Variants in SLC4A1AP observed in about 807,000 individuals in gnomAD.
SLC4A1AP encodes the protein kanadaptin.
In SLC4A1AP, 64 loss-of-function variants were observed where a neutral mutation model predicts 89.7. That is an observed-to-expected ratio of 0.71 (90% CI 0.58 to 0.88). The LOEUF (loss-of-function observed/expected upper bound fraction) is 0.88, where lower values mean the gene tolerates loss of function less well. SLC4A1AP is among the 40% of genes least tolerant of loss of function. SLC4A1AP has a pLI of 0.00. For missense variants in SLC4A1AP, 931 were observed against 965.0 expected (o/e 0.96, Z 0.47); for synonymous variants, 366 against 353.3 (o/e 1.04, Z -0.40).
At position 27,677,386 on chromosome 2, in the gene SLC4A1AP, T is replaced by TATTA. The variant is rs1468210712; in HGVS notation, c.1576+25_1576+28dup. The TATTA allele has an allele frequency of 3.3e-6, 5 of 1,518,126 alleles. No homozygotes were observed. In the Admixed American group the frequency reaches 8.4e-5, roughly 25 times the overall value. 94.0% of individuals were successfully genotyped at this position (1,518,126 alleles called of 1,614,324 possible). A position where few individuals can be genotyped will look rare whatever the true frequency, so the allele number is the denominator to read the frequency against. Reference sequence around the variant, plus strand: ...CAAGGTAAGTTTTTCATCAAATATTTATTAATATACCACATATAGTGCTCT... The same window carrying TATTA: ...CAAGGTAAGTTTTTCATCAAATATTTATTAATTAATATACCACATATAGTGCTCT... On this transcript the variant is annotated intron_variant, in intron 7 of 13. Coordinates refer to ENST00000613058, the Ensembl canonical transcript of SLC4A1AP.
At chr2:27,689,111 TTTTATTTA>T (rs200134185) in intron 12 of SLC4A1AP, among the ~76,000 whole-genome samples, 4 of 152,058 alleles carry the variant, frequency 2.6e-5, no homozygotes, top group East Asian at 1.9e-4. Flanking sequence ...TGTTTTTTTG[TTTTATTTA>T]TTTATTTATT....
At chr2:27,670,939 T>TTTTTTTC in intron 5 of SLC4A1AP, among the ~76,000 whole-genome samples, 1 of 141,490 alleles carries the variant, frequency 7.1e-6, no homozygotes, top group African/African-American at 2.9e-5. Flanking sequence ...TTTTTTTTTT[T>TTTTTTTC]TTGAGATGGA....
exon 1 of SLC4A1AP, chr2:27,664,139 G>A (rs947751273): frequency 3.1e-6 from 5 of 1,614,180 alleles, no homozygotes; most frequent in Non-Finnish European, 4.2e-6. Flanking sequence ...GTGATTTTAG[G>A]AGTCTACAGG....
rs1369153146 is a variant in SLC4A1AP at position 27,685,032 on chromosome 2, C to T, written c.1876-5C>T. On this transcript the variant is annotated splice_region_variant and splice_polypyrimidine_tract_variant and intron_variant, in intron 9 of 13. Coordinates refer to ENST00000613058, the Ensembl canonical transcript of SLC4A1AP. ...TACTTGTTCATGGTTTTGTTTCCCT[C>T]TTAGAAGTTACCCCCCAAGCGTCCA... is the stretch of plus-strand genomic sequence containing the variant. 6 of 1,591,380 alleles carry T rather than the reference C, an allele frequency of 3.8e-6. No individual in the cohort carries two copies. The highest frequency in any genetic ancestry group is 5.1e-6 in the Non-Finnish European group (6 of 1,172,640).
intron 1 of SLC4A1AP, 103 bp downstream of exon 1, chr2:27,664,680 C>T (rs1266252977): frequency 6.7e-6 from 6 of 889,330 alleles, no homozygotes; most frequent in Non-Finnish European, 1.0e-5. Context: ...TCAGCGATTA[C>T]GAAAGTGAAG....
At chr2:27,674,073 C>G (rs1675475937) in intron 5 of SLC4A1AP, among the ~76,000 whole-genome samples, 3 of 151,924 alleles carry the variant, frequency 2.0e-5, no homozygotes, top group Non-Finnish European at 4.4e-5. Flanking sequence ...TTAAACTTTG[C>G]AGACAGATTC....
chr2:27,688,817 C>T (rs1159378623), intron 12 of SLC4A1AP, 50 bp downstream of exon 12: 16 of 1,359,756 alleles, frequency 1.2e-5, no homozygotes, highest in Non-Finnish European at 1.5e-5. Flanking sequence ...TTGTCATGGA[C>T]CACATCCAGA....
chr2:27,675,547 A>C (rs138954921), exon 6 of SLC4A1AP: 1 of 1,581,168 alleles, frequency 6.3e-7, no homozygotes, highest in East Asian at 2.3e-5. Context: ...CGGAAAAGGA[A>C]AGCCAAGAAC....
At chr2:27,693,610 C>A in intron 12 of SLC4A1AP, 75 bp from the exon 13 acceptor site, 1 of 1,196,066 alleles carries the variant, frequency 8.4e-7, no homozygotes, top group South Asian at 1.3e-5. Flanking sequence ...ACAATAGGAC[C>A]CCAATCCCTT....
intron 9 of SLC4A1AP, among the ~76,000 whole-genome samples, 165 bp downstream of exon 9, chr2:27,682,524 C>T (rs113178497): frequency 0.011 from 488 of 44,652 alleles, 41 homozygotes; most frequent in Non-Finnish European, 0.022. Flanking sequence ...TTCTTGGATT[C>T]TTTTTTTTTT....
chr2:27,690,163 T>A (rs551130338), intron 12 of SLC4A1AP, among the ~76,000 whole-genome samples: 26 of 152,334 alleles, frequency 1.7e-4, no homozygotes, highest in Non-Finnish European at 3.4e-4. Flanking sequence ...ATATAATTTT[T>A]AAAAAATAGC....
exon 14 of SLC4A1AP, chr2:27,694,812 C>A: frequency 3.0e-6 from 2 of 661,994 alleles, no homozygotes; most frequent in South Asian, 2.9e-5. Flanking sequence ...GCTTTTCGTT[C>A]TGTGTTCTTG....
chr2:27,667,930 A>C (rs1675360504), intron 3 of SLC4A1AP, among the ~76,000 whole-genome samples: 1 of 152,006 alleles, frequency 6.6e-6, no homozygotes, highest in East Asian at 1.9e-4. Flanking sequence ...GCTTCTAAAA[A>C]CCAGGCAACT....
chr2:27,688,655 C>T (rs1279797928), intron 11 of SLC4A1AP, 45 bp from the exon 12 acceptor site: 10 of 1,361,402 alleles, frequency 7.3e-6, no homozygotes, highest in African/African-American at 3.0e-5. Flanking sequence ...TTTTATTTTA[C>T]TTATACTGAA....
chr2:27,694,942 T>C (rs1342850832), exon 14 of SLC4A1AP: 2 of 340,480 alleles, frequency 5.9e-6, no homozygotes, highest in Non-Finnish European at 1.1e-5. Flanking sequence ...GTGAGAGACA[T>C]GATCCTATTA....
chr2:27,685,356 A>T (rs999717473), intron 10 of SLC4A1AP, 79 bp downstream of exon 10: 1 of 1,517,006 alleles, frequency 6.6e-7, no homozygotes, highest in African/African-American at 1.4e-5. Context: ...AAGCAAGGCC[A>T]GTTCTTGTCT....
intron 12 of SLC4A1AP, chr2:27,692,055 C>CT (rs1675796889): frequency 6.6e-6 from 1 of 152,044 alleles, no homozygotes; most frequent in Non-Finnish European, 1.5e-5. Context: ...TCAAGCAATC[C>CT]TCCTGCCTTG....
exon 2 of SLC4A1AP, chr2:27,665,106 G>C (rs1558504416): frequency 1.2e-6 from 2 of 1,611,306 alleles, no homozygotes; most frequent in Non-Finnish European, 8.5e-7. Context: ...TCAGGGACCA[G>C]AGGAAGACCG....
At chr2:27,689,371 G>A (rs10175280) in intron 12 of SLC4A1AP, among the ~76,000 whole-genome samples, 11,886 of 152,124 alleles carry the variant, frequency 0.078, 1,379 homozygotes, top group African/African-American at 0.25. Flanking sequence ...GGTCATTCAC[G>A]AGAGGACCCA....
Sources: allele counts gnomAD v4.1 joint callset (sites outside exome capture counted in the v4.1 genomes callset), GRCh38; gene constraint gnomAD v4.1.1; transcripts MANE v1.5; gene names NCBI Gene and HGNC (gene_info 2026-07-23, HGNC 2026-07-21).